The following DACH1 variants were observed in gnomAD, a reference collection of about 807,000 sequenced individuals.
The protein encoded by DACH1 is dachshund homolog 1.
Under a neutral mutation model 54.2 loss-of-function variants are expected in DACH1, and 12 were observed. The ratio of observed to expected loss-of-function variants is 0.22; its 90% CI spans 0.14 to 0.36. DACH1 has a LOEUF of 0.36. Among genes scored for constraint, DACH1 ranks in the 10% least tolerant of loss-of-function variants. The pLI is 1.00. For synonymous variants in DACH1, 386 were observed against 366.2 expected, an observed-to-expected ratio of 1.05 and a Z score of -0.62; for missense variants, 805 against 929.8, an observed-to-expected ratio of 0.87 and a Z score of 1.75.
intron 3 of DACH1, among the ~76,000 whole-genome samples, chr13:71,599,158 G>C (rs949962353): frequency 6.6e-6 from 1 of 152,032 alleles, no homozygotes; most frequent in Non-Finnish European, 1.5e-5. Context: ...TAAATAAAAA[G>C]ACATTTGAGC....
intron 1 of DACH1, among the ~76,000 whole-genome samples, chr13:71,837,862 G>A (rs1452180818): frequency 1.3e-5 from 2 of 150,398 alleles, no homozygotes; most frequent in Non-Finnish European, 1.5e-5. Flanking sequence ...TAGGGACATG[G>A]ATGAAATTGG....
chr13:71,491,685 C>A (rs559575875), intron 6 of DACH1, among the ~76,000 whole-genome samples: 1 of 152,086 alleles, frequency 6.6e-6, no homozygotes, highest in African/African-American at 2.4e-5. Context: ...GAAGATCAAA[C>A]AAACAAGAAT....
chr13:71,659,182 G>GC lies in DACH1; in HGVS notation c.964+22612_964+22613insG, dbSNP rs1879335439. Among the ~76,000 whole-genome samples, 5 of 152,216 alleles carry GC rather than the reference G, an allele frequency of 3.3e-5. No individual in the cohort carries two copies. The South Asian group carries it at 6.2e-4, about 19-fold the overall frequency. ...TGAATACTGAGAGGAAACAAGGTAGGAAGGAAGGAAGTTTCTGTATATCAC... is the reference window on the plus strand; with the variant it reads ...TGAATACTGAGAGGAAACAAGGTAGGCAAGGAAGGAAGTTTCTGTATATCAC... On this transcript the variant is annotated intron_variant, in intron 2 of 10. Coordinates refer to ENST00000613252, the MANE Select transcript of DACH1 (RefSeq NM_080759.6).
intron 1 of DACH1, among the ~76,000 whole-genome samples, chr13:71,723,600 G>A (rs1003425675): frequency 1.3e-5 from 2 of 152,132 alleles, no homozygotes; most frequent in Non-Finnish European, 2.9e-5. Flanking sequence ...TAGTAAGGTG[G>A]TTTTTTAAAA....
intron 1 of DACH1, among the ~76,000 whole-genome samples, chr13:71,711,987 T>C (rs1309550070): frequency 6.6e-6 from 1 of 152,092 alleles, no homozygotes; most frequent in Admixed American, 6.5e-5. Flanking sequence ...AATAAACAAA[T>C]GAGCATATAA....
intron 1 of DACH1, among the ~76,000 whole-genome samples, chr13:71,817,592 C>T (rs1338337022): frequency 1.3e-5 from 2 of 152,088 alleles, no homozygotes. Flanking sequence ...GTCTGGGTGG[C>T]ACATGCTATC....
At chr13:71,797,087 T>C (rs1686240593) in intron 1 of DACH1, among the ~76,000 whole-genome samples, 1 of 152,124 alleles carries the variant, frequency 6.6e-6, no homozygotes, top group Non-Finnish European at 1.5e-5. Flanking sequence ...AATATTCTCC[T>C]TTCTCACTTT....
chr13:71,781,482 C>T (rs561269361), intron 1 of DACH1, among the ~76,000 whole-genome samples: 1 of 151,786 alleles, frequency 6.6e-6, no homozygotes, highest in East Asian at 2.0e-4. Context: ...GGGTTCATGC[C>T]ATTCTCCTGC....
At chr13:71,862,185 T>G (rs1874404306) in intron 1 of DACH1, among the ~76,000 whole-genome samples, 1 of 151,886 alleles carries the variant, frequency 6.6e-6, no homozygotes, top group African/African-American at 2.4e-5. Flanking sequence ...TGAGAAAAAA[T>G]TATCTTCTTA....
intron 10 of DACH1, among the ~76,000 whole-genome samples, chr13:71,447,771 T>A (rs1383220398): frequency 2.7e-5 from 4 of 148,004 alleles, no homozygotes; most frequent in Non-Finnish European, 5.9e-5. Context: ...AAGCGGAAGT[T>A]GCAGTGAGCC....
At chr13:71,591,892 C>G (rs1298252329) in intron 3 of DACH1, among the ~76,000 whole-genome samples, 1 of 152,024 alleles carries the variant, frequency 6.6e-6, no homozygotes, top group Non-Finnish European at 1.5e-5. Context: ...TACACAAAGC[C>G]ATTGTATCAC....
intron 3 of DACH1, among the ~76,000 whole-genome samples, chr13:71,602,455 C>A (rs1173276320): frequency 6.6e-6 from 1 of 151,930 alleles, no homozygotes; most frequent in Admixed American, 6.6e-5. Flanking sequence ...AAGCCATCTA[C>A]ACCCACTTTG....
At chr13:71,834,603 G>A (rs1234524945) in intron 1 of DACH1, among the ~76,000 whole-genome samples, 1 of 151,946 alleles carries the variant, frequency 6.6e-6, no homozygotes, top group Non-Finnish European at 1.5e-5. Context: ...CTTTTTAACG[G>A]CTCTGTTGCC....
In DACH1 at chr13:71,440,450, CA is replaced by C; in HGVS notation, c.*204del. On this transcript the variant is annotated 3_prime_UTR_variant, in exon 11 of 11. Transcript: ENST00000613252. Reference sequence around the variant, plus strand: ...ATACTTGTACATTTACAAACATTCTCAGGTCTCTGGTATGAACCACAGGTGA... The same window carrying C: ...ATACTTGTACATTTACAAACATTCTCGGTCTCTGGTATGAACCACAGGTGA... 1 of 490,648 alleles carries C rather than the reference CA, an allele frequency of 2.0e-6. No individual in the cohort carries two copies. Among genetic ancestry groups the C allele is most frequent in the Non-Finnish European group, 3.6e-6 (1 of 279,934 alleles). The allele number at this position is 490,648 out of a possible 1,614,324, so 30.4% of individuals were successfully genotyped here. A position where few individuals can be genotyped will look rare whatever the true frequency, so the allele number is the denominator to read the frequency against.
At chr13:71,669,534 T>C (rs1282253530) in intron 2 of DACH1, among the ~76,000 whole-genome samples, 1 of 152,140 alleles carries the variant, frequency 6.6e-6, no homozygotes, top group Non-Finnish European at 1.5e-5. Flanking sequence ...ACAATAAATA[T>C]AATGTGCTTG....
At chr13:71,784,003 A>G (rs1886491868) in intron 1 of DACH1, among the ~76,000 whole-genome samples, 1 of 151,704 alleles carries the variant, frequency 6.6e-6, no homozygotes, top group Non-Finnish European at 1.5e-5. Context: ...TAAAGATAAC[A>G]AAAGTGTTAG....
At chr13:71,649,708 C>A (rs1027689847) in intron 2 of DACH1, among the ~76,000 whole-genome samples, 1 of 152,082 alleles carries the variant, frequency 6.6e-6, no homozygotes, top group African/African-American at 2.4e-5. Context: ...ACAAAAAGAT[C>A]CACATTGTCA....
At chr13:71,454,751 C>T (rs886106991) in intron 10 of DACH1, among the ~76,000 whole-genome samples, 1 of 152,176 alleles carries the variant, frequency 6.6e-6, no homozygotes, top group Non-Finnish European at 1.5e-5. Flanking sequence ...CTAGAGATGA[C>T]TGTAGGCCTG....
intron 10 of DACH1, among the ~76,000 whole-genome samples, chr13:71,469,804 G>GA (rs1368969033): frequency 1.3e-5 from 2 of 152,114 alleles, no homozygotes; most frequent in African/African-American, 2.4e-5. Context: ...TTTTACATTA[G>GA]AAAAAAGATT....
Sources: gnomAD v4.1 joint callset for allele counts (sites outside exome capture counted in the v4.1 genomes callset) on GRCh38, gnomAD v4.1.1 for gene constraint, MANE v1.5 for transcripts, NCBI Gene and HGNC (gene_info 2026-07-23, HGNC 2026-07-21) for gene names.